The following LARP1 variants were observed in gnomAD, a reference collection of about 807,000 sequenced individuals.
LARP1 encodes La ribonucleoprotein 1, translational regulator.
Under a neutral mutation model 122.7 loss-of-function variants are expected in LARP1, and 36 were observed. The ratio of observed to expected loss-of-function variants is 0.29; its 90% CI spans 0.22 to 0.39. The LOEUF (loss-of-function observed/expected upper bound fraction) is 0.39. Among genes scored for constraint, LARP1 ranks in the 10% least tolerant of loss-of-function variants. The pLI is 1.00. For missense variants in LARP1, 1,040 were observed against 1,403.6 expected (o/e 0.74, Z 4.14); for synonymous variants, 539 against 528.7 (o/e 1.02, Z -0.27).
At chr5:154,745,401 C>T (rs1487887643) in intron 1 of LARP1, among the ~76,000 whole-genome samples, 2 of 152,160 alleles carry the variant, frequency 1.3e-5, no homozygotes, top group African/African-American at 4.8e-5. Flanking sequence ...TGCCAGTGAC[C>T]ACTACCCCCT....
In LARP1 at chr5:154,803,038, C is replaced by G. The variant is rs533048888; in HGVS notation, c.2110-252C>G. Among the ~76,000 whole-genome samples the G allele has an allele frequency of 7.7e-4, 117 of 152,312 alleles. No individual in the cohort carries two copies. The highest frequency in any genetic ancestry group is 2.7e-3 in the African/African-American group (114 of 41,570). On this transcript the variant is annotated intron_variant, in intron 11 of 18. Coordinates refer to ENST00000518297, the MANE Select transcript of LARP1 (RefSeq NM_033551.3). The surrounding 1 kb of genome is among the most constrained non-coding windows in gnomAD (Gnocchi z 4.4). ...TGTGTAGTGAGTTCCTGAGGAGCTA[C>G]TGTCAGCCTGATCTCAGTCTTACTA...
chr5:154,801,908 T>A (rs1449899792), intron 10 of LARP1, 99 bp from the exon 11 acceptor site: 1 of 1,172,422 alleles, frequency 8.5e-7, no homozygotes, highest in East Asian at 2.4e-5. Flanking sequence ...TGAACAGTCT[T>A]ATGTTGAGAG....
chr5:154,770,291 G>A (rs1342558968), intron 1 of LARP1, among the ~76,000 whole-genome samples: 1 of 151,688 alleles, frequency 6.6e-6, no homozygotes, highest in Non-Finnish European at 1.5e-5. Context: ...TAAAGAGGAA[G>A]CTTTCTGATT....
chr5:154,808,624 G>A (rs1201898146), intron 16 of LARP1, 21 bp downstream of exon 16: 3 of 1,605,668 alleles, frequency 1.9e-6, no homozygotes, highest in Admixed American at 3.4e-5. Flanking sequence ...TTGGGTGGGG[G>A]ACTTTGGCTG....
At chr5:154,708,353 T>C (rs899093478), upstream of LARP1, among the ~76,000 whole-genome samples, 2 of 152,228 alleles carry the variant, frequency 1.3e-5, no homozygotes, top group Non-Finnish European at 2.9e-5. Flanking sequence ...GCAGGTTGAA[T>C]ATGTCACACG....
chr5:154,783,709 T>G (rs1756643360), intron 1 of LARP1, among the ~76,000 whole-genome samples: 1 of 151,846 alleles, frequency 6.6e-6, no homozygotes, highest in South Asian at 2.1e-4. Context: ...ACGATCAAGA[T>G]TAAGAGAATC....
At chr5:154,775,095 G>A (rs1755763329) in intron 1 of LARP1, among the ~76,000 whole-genome samples, 3 of 152,100 alleles carry the variant, frequency 2.0e-5, no homozygotes, top group South Asian at 4.1e-4. Context: ...GATCACTTGA[G>A]CCTAGGAGTT....
chr5:154,708,580 G>C (rs1051946176), upstream of LARP1, among the ~76,000 whole-genome samples: 1 of 152,120 alleles, frequency 6.6e-6, no homozygotes, highest in African/African-American at 2.4e-5. Context: ...TAATGTGGCT[G>C]ATCATTTTAA....
chr5:154,757,142 C>T (rs1004539852), intron 1 of LARP1: 4 of 150,892 alleles, frequency 2.7e-5, no homozygotes, highest in South Asian at 2.1e-4. Context: ...GTGCGCGTCC[C>T]CCCTTCCCAG....
intron 1 of LARP1, among the ~76,000 whole-genome samples, chr5:154,781,574 C>A (rs1756449176): frequency 6.7e-6 from 1 of 149,176 alleles, no homozygotes; most frequent in East Asian, 2.0e-4. Flanking sequence ...GCCTGGGTGA[C>A]AAGAGTGAGA....
chr5:154,721,717 G>A (rs1156859515), intron 1 of LARP1, among the ~76,000 whole-genome samples: 1 of 152,180 alleles, frequency 6.6e-6, no homozygotes, highest in Non-Finnish European at 1.5e-5. Flanking sequence ...TTTCTCATTT[G>A]CAAGACAGAG....
intron 1 of LARP1, among the ~76,000 whole-genome samples, chr5:154,778,311 A>G (rs181472440): frequency 6.6e-6 from 1 of 151,620 alleles, no homozygotes; most frequent in Non-Finnish European, 1.5e-5. Flanking sequence ...TAAATATGGT[A>G]TTGTGGTTTT....
At position 154,803,573 on chromosome 5, in the gene LARP1, G is replaced by T. The variant is rs775991655; in HGVS notation, c.2267G>T (p.Gly756Val). 1 of 1,613,950 alleles carries T rather than the reference G, an allele frequency of 6.2e-7. No homozygotes were observed. Among genetic ancestry groups the T allele is most frequent in the Non-Finnish European group, 8.5e-7 (1 of 1,179,998 alleles). Reference protein sequence around the residue: ...PTDALANKLFGAPEPSTIARS... With the variant: ...PTDALANKLFVAPEPSTIARS... ...GATGCCCTGGCCAACAAGTTGTTTG[G>T]TGCTCCTGAGCCCTCCACCATCGCC... The change falls in exon 13 of 19, where the codon GGT (glycine) becomes GTT (valine). Residue 756 changes from glycine to valine, a missense_variant. Gly to Val is a moderately radical substitution (Grantham distance 109). Around this residue, in one of 8 missense-constraint regions of LARP1, gnomAD observed 362 missense variants for 533.1 expected, o/e 0.68. Transcript: ENST00000518297. The surrounding 1 kb of genome is among the most constrained non-coding windows in gnomAD (Gnocchi z 4.4).
At chr5:154,774,716 T>C (rs1010533704) in intron 1 of LARP1, among the ~76,000 whole-genome samples, 1 of 152,112 alleles carries the variant, frequency 6.6e-6, no homozygotes, top group African/African-American at 2.4e-5. Context: ...TGCCCACATA[T>C]CATCACTGCC....
chr5:154,716,246 A>G (rs1025123995), intron 1 of LARP1, among the ~76,000 whole-genome samples: 3 of 152,086 alleles, frequency 2.0e-5, no homozygotes, highest in African/African-American at 7.2e-5. Flanking sequence ...TAACATCTGT[A>G]GCAGCTGGGA....
intron 1 of LARP1, among the ~76,000 whole-genome samples, chr5:154,726,442 GAT>G (rs895491183): frequency 2.0e-5 from 3 of 152,098 alleles, no homozygotes; most frequent in African/African-American, 4.8e-5. Context: ...GAAAAAAGTA[GAT>G]AATAGCAATA....
chr5:154,788,707 A>C (rs1757082658), intron 1 of LARP1, among the ~76,000 whole-genome samples: 1 of 151,912 alleles, frequency 6.6e-6, no homozygotes, highest in Non-Finnish European at 1.5e-5. Flanking sequence ...AGAAGTGTGG[A>C]TGTAGAAGGG....
chr5:154,795,387 C>A, intron 8 of LARP1, 68 bp downstream of exon 8: 1 of 1,530,662 alleles, frequency 6.5e-7, no homozygotes, highest in Non-Finnish European at 8.9e-7. Flanking sequence ...GAGTTTGGGC[C>A]AAGGCAGAAA....
At chr5:154,771,954 T>G (rs1286175332) in intron 1 of LARP1, among the ~76,000 whole-genome samples, 4 of 152,214 alleles carry the variant, frequency 2.6e-5, no homozygotes, top group African/African-American at 4.8e-5. Context: ...TTTTAACTTC[T>G]TTCGAAGGGG....
Sources: allele counts gnomAD v4.1 joint callset (sites outside exome capture counted in the v4.1 genomes callset), GRCh38; gene constraint gnomAD v4.1.1; regional missense constraint gnomAD v4.1.1; non-coding constraint Gnocchi (gnomAD v3.1); transcripts MANE v1.5; gene names NCBI Gene and HGNC (gene_info 2026-07-23, HGNC 2026-07-21).